The following ZPBP variants were observed in gnomAD, a reference collection of about 807,000 sequenced individuals.
ZPBP encodes zona pellucida binding protein.
ZPBP carries 26 observed loss-of-function variants against 44.8 expected under a neutral mutation model. That is an observed-to-expected ratio of 0.58 (90% CI 0.43 to 0.81). The LOEUF (loss-of-function observed/expected upper bound fraction) is 0.81, where lower values mean the gene tolerates loss of function less well. Ranked by LOEUF, ZPBP falls within the 30% of genes least tolerant of loss-of-function variation. The pLI is 0.00. For synonymous variants in ZPBP, 174 were observed against 153.2 expected (o/e 1.14, Z -1.00); for missense variants, 409 against 434.0 (o/e 0.94, Z 0.51).
At chr7:49,999,656 G>A (rs78396527) in intron 6 of ZPBP, among the ~76,000 whole-genome samples, 6,794 of 152,078 alleles carry the variant, frequency 0.045, 151 homozygotes, top group Middle Eastern at 0.061. Context: ...ACTAATGTTT[G>A]AGGGAAGGAG....
At chr7:50,013,059 A>T (rs1798660256) in intron 6 of ZPBP, among the ~76,000 whole-genome samples, 1 of 151,934 alleles carries the variant, frequency 6.6e-6, no homozygotes, top group African/African-American at 2.4e-5. Flanking sequence ...CTTAGGAATA[A>T]ATTTAACCCA....
At chr7:50,020,298 T>C (rs991244126) in intron 5 of ZPBP, among the ~76,000 whole-genome samples, 2 of 152,102 alleles carry the variant, frequency 1.3e-5, no homozygotes, top group East Asian at 1.9e-4. Flanking sequence ...ATTTTTAACA[T>C]TCATTAAGAT....
At chr7:49,932,290 A>G (rs1339406852) in intron 1 of ZPBP, among the ~76,000 whole-genome samples, 1 of 152,078 alleles carries the variant, frequency 6.6e-6, no homozygotes, top group East Asian at 1.9e-4. Context: ...GCCACAGAAC[A>G]CCAGCCTGTG....
At chr7:49,884,588 C>T (rs547927227) in intron 2 of ZPBP, among the ~76,000 whole-genome samples, 2 of 152,198 alleles carry the variant, frequency 1.3e-5, no homozygotes, top group South Asian at 4.1e-4. Flanking sequence ...AGTTTTAAGA[C>T]AGTGGGTCAA....
At chr7:49,997,615 A>G (rs958902317) in intron 6 of ZPBP, among the ~76,000 whole-genome samples, 1 of 152,182 alleles carries the variant, frequency 6.6e-6, no homozygotes, top group Admixed American at 6.5e-5. Flanking sequence ...TTGCATGGCA[A>G]CTGCTTCGGG....
intron 3 of ZPBP, among the ~76,000 whole-genome samples, chr7:50,072,915 A>G (rs188494318): frequency 1.1e-4 from 16 of 152,304 alleles, no homozygotes. Context: ...GGGCTTTCAA[A>G]TATCGGAAAA....
At chr7:49,900,462 C>G (rs1178230130) in intron 2 of ZPBP, among the ~76,000 whole-genome samples, 1 of 151,468 alleles carries the variant, frequency 6.6e-6, no homozygotes, top group Non-Finnish European at 1.5e-5. Flanking sequence ...CTATAAGAAA[C>G]AAAAGAGAGG....
In ZPBP at chr7:49,983,517, A is replaced by G. The variant is rs1288973697; in HGVS notation, c.786T>C (p.Ala262=). The G allele has an allele frequency of 1.9e-6, 3 of 1,582,112 alleles. No individual in the cohort carries two copies. In the African/African-American group the frequency reaches 4.1e-5, roughly 21 times the overall value. ...NCEPYKRLFK[A]KNLIERFFNQ... is the part of the protein sequence containing the mutation. ...TAAAAAATCTCTCTATGAGATTTTT[A>G]GCCTAAAACATAAATACAATTTGAT... The change falls in exon 7 of 8, where the codon GCT becomes GCC. Residue 262 remains alanine, a splice_region_variant and synonymous_variant. Transcript: ENST00000046087.
chr7:50,023,834 T>C (rs1281391815), intron 5 of ZPBP, among the ~76,000 whole-genome samples: 2 of 152,062 alleles, frequency 1.3e-5, no homozygotes, highest in Non-Finnish European at 2.9e-5. Context: ...AAATGCTAGG[T>C]ATCAAAATCA....
intron 5 of ZPBP, among the ~76,000 whole-genome samples, 190 bp from the exon 6 acceptor site, chr7:50,018,506 C>G (rs1413089053): frequency 6.6e-6 from 1 of 151,904 alleles, no homozygotes; most frequent in Middle Eastern, 3.2e-3. Context: ...ATCAAGACAA[C>G]CTTATTTCTT....
chr7:49,953,815 G>A (rs1186579172), intron 7 of ZPBP, among the ~76,000 whole-genome samples: 2 of 152,046 alleles, frequency 1.3e-5, no homozygotes, highest in Admixed American at 6.6e-5. Context: ...AGAAACTAAA[G>A]ATGACCTAAA....
intron 7 of ZPBP, among the ~76,000 whole-genome samples, chr7:49,980,882 T>G (rs889004406): frequency 6.6e-6 from 1 of 152,038 alleles, no homozygotes; most frequent in African/African-American, 2.4e-5. Context: ...AATTGTTCTT[T>G]TCTCCTTTCT....
Position 50,069,898 on chromosome 7 carries a change from C to T in ZPBP, c.335-11757G>A, listed in dbSNP as rs143289960. 2.8e-3 allele frequency among the ~76,000 whole-genome samples: 430 copies of T among 152,254 alleles called. 1 individual carries two copies. The highest frequency in any genetic ancestry group is 9.2e-3 in the African/African-American group (382 of 41,552). Reference sequence around the variant, plus strand: ...TCCTCAGTCTGATTTCCCCAACACTCGCCTTGGAGCACACAGACCATGCTA... The same window carrying T: ...TCCTCAGTCTGATTTCCCCAACACTTGCCTTGGAGCACACAGACCATGCTA... On this transcript the variant is annotated intron_variant, in intron 3 of 7. Coordinates refer to ENST00000046087, the MANE Select transcript of ZPBP (RefSeq NM_007009.3).
At chr7:49,993,708 G>T (rs1216046112) in intron 6 of ZPBP, among the ~76,000 whole-genome samples, 1 of 152,172 alleles carries the variant, frequency 6.6e-6, no homozygotes, top group Non-Finnish European at 1.5e-5. Flanking sequence ...ATGTAAAAGG[G>T]TTCAGTGTGG....
intron 3 of ZPBP, 120 bp from the exon 4 acceptor site, chr7:50,058,261 G>A (rs568054309): frequency 2.0e-6 from 2 of 1,019,512 alleles, no homozygotes. Flanking sequence ...GGAGTGGGGG[G>A]CATAGCTAGG....
chr7:50,039,896 T>C (rs751078097), intron 4 of ZPBP, among the ~76,000 whole-genome samples: 1 of 152,170 alleles, frequency 6.6e-6, no homozygotes, highest in Non-Finnish European at 1.5e-5. Flanking sequence ...TTTCTATAGC[T>C]TGCTGGAATT....
At chr7:49,881,263 AT>A (rs938322875) in intron 2 of ZPBP, among the ~76,000 whole-genome samples, 2 of 152,042 alleles carry the variant, frequency 1.3e-5, no homozygotes, top group African/African-American at 4.8e-5. Flanking sequence ...CTTTTGTTCC[AT>A]TTGTTTCATC....
intron 1 of ZPBP, among the ~76,000 whole-genome samples, chr7:49,929,054 T>C (rs1176874426): frequency 1.3e-5 from 2 of 152,162 alleles, no homozygotes; most frequent in Non-Finnish European, 1.5e-5. Context: ...CCTGGAATGA[T>C]TGCAGAGCCA....
chr7:50,058,140 T>C lies in ZPBP; in HGVS notation c.336A>G (p.Val112=), dbSNP rs1377055857. The C allele has an allele frequency of 1.2e-6, 2 of 1,613,666 alleles. No homozygotes were observed. Residue 112 remains valine, a splice_region_variant and synonymous_variant, in exon 4 of 8, where the codon GTA becomes GTG. Transcript: ENST00000046087. ...ATGTTATTTGTGCAGTGCGGTTTTC[T>C]ACTAAAGGAATAAGATACAGTTACG... ...WYGPKGKVVS[V]ENRTAQITST... is the part of the protein sequence containing the mutation.
Sources: allele counts gnomAD v4.1 joint callset (sites outside exome capture counted in the v4.1 genomes callset), GRCh38; gene constraint gnomAD v4.1.1; transcripts MANE v1.5; gene names NCBI Gene and HGNC (gene_info 2026-07-23, HGNC 2026-07-21).